Variants in SLC8A1 observed in about 807,000 individuals in gnomAD.
SLC8A1 encodes the protein solute carrier family 8 member A1.
Under a neutral mutation model 68.3 loss-of-function variants are expected in SLC8A1, and 18 were observed. The ratio of observed to expected loss-of-function variants is 0.26; its 90% CI spans 0.18 to 0.39. The LOEUF is 0.39. Among genes scored for constraint, SLC8A1 ranks in the 10% least tolerant of loss-of-function variants. SLC8A1 has a pLI of 1.00. For synonymous variants in SLC8A1, 475 were observed against 415.5 expected (o/e 1.14, Z -1.74); for missense variants, 985 against 1,156.7 (o/e 0.85, Z 2.15).
intron 2 of SLC8A1, among the ~76,000 whole-genome samples, chr2:40,199,686 C>G (rs762702520): frequency 3.3e-5 from 5 of 151,762 alleles, no homozygotes; most frequent in Non-Finnish European, 7.4e-5. Context: ...AAATTCCTCT[C>G]CTCATTTAGA....
chr2:40,485,503 T>G (rs1274350876), intron 1 of SLC8A1, among the ~76,000 whole-genome samples: 3 of 152,222 alleles, frequency 2.0e-5, no homozygotes, highest in Non-Finnish European at 2.9e-5. Flanking sequence ...GCCAGTTACT[T>G]TTAAACGTCT....
At chr2:40,171,391 T>C (rs1486660772) in intron 4 of SLC8A1, among the ~76,000 whole-genome samples, 1 of 152,214 alleles carries the variant, frequency 6.6e-6, no homozygotes, top group African/African-American at 2.4e-5. Context: ...GAGAACTCTA[T>C]ATCTTAGAAG....
intron 1 of SLC8A1, among the ~76,000 whole-genome samples, chr2:40,460,450 A>C (rs1703273976): frequency 1.3e-5 from 2 of 152,224 alleles, no homozygotes. Flanking sequence ...TTCCAGCTGC[A>C]AATAGGGAGT....
chr2:40,390,192 T>C (rs1684844153), intron 2 of SLC8A1, among the ~76,000 whole-genome samples: 2 of 152,114 alleles, frequency 1.3e-5, no homozygotes, highest in African/African-American at 2.4e-5. Flanking sequence ...TTAGAAGCTT[T>C]TAGAAGTGAC....
intron 2 of SLC8A1, among the ~76,000 whole-genome samples, chr2:40,379,288 C>T (rs1680941210): frequency 6.6e-6 from 1 of 152,124 alleles, no homozygotes; most frequent in South Asian, 2.1e-4. Context: ...CCATGGACCA[C>T]ACTTTGAAAA....
rs1035622270 is a variant in SLC8A1, at chr2:40,314,466, T to C, written c.1808+114007A>G. On this transcript the variant is annotated intron_variant, in intron 2 of 7. Coordinates refer to ENST00000406785, the Ensembl canonical transcript of SLC8A1. ...TTTTGTTCTTTTTTTCCAGTGGTATTTTAGCTATTTTAGGTCCTCTGTATT... is the reference window on the plus strand; with the variant it reads ...TTTTGTTCTTTTTTTCCAGTGGTATCTTAGCTATTTTAGGTCCTCTGTATT... Among the ~76,000 whole-genome samples the C allele has an allele frequency of 2.6e-5, 4 of 152,038 alleles. No individual in the cohort carries two copies. In the East Asian group the frequency reaches 5.8e-4, roughly 22 times the overall value.
chr2:40,348,663 G>A (rs1049576211), intron 2 of SLC8A1, among the ~76,000 whole-genome samples: 3 of 152,120 alleles, frequency 2.0e-5, no homozygotes, highest in Admixed American at 1.3e-4. Context: ...CAGAACCTCT[G>A]CACTCCGGGG....
intron 2 of SLC8A1, among the ~76,000 whole-genome samples, chr2:40,185,840 A>G (rs756591952): frequency 6.6e-6 from 1 of 152,208 alleles, no homozygotes; most frequent in Non-Finnish European, 1.5e-5. Context: ...TCCTTGGGTG[A>G]GAAAAGGTTG....
At chr2:40,373,344 ACT>A (rs1678772516) in intron 2 of SLC8A1, among the ~76,000 whole-genome samples, 1 of 152,082 alleles carries the variant, frequency 6.6e-6, no homozygotes, top group South Asian at 2.1e-4. Flanking sequence ...CAGAAACATG[ACT>A]CTTCAAAAAT....
chr2:40,136,546 G>A (rs899801939), intron 7 of SLC8A1, among the ~76,000 whole-genome samples: 1 of 152,132 alleles, frequency 6.6e-6, no homozygotes, highest in African/African-American at 2.4e-5. Flanking sequence ...TCAGACACTA[G>A]GAAAGAGCCC....
chr2:40,182,583 T>G (rs1404911222), intron 2 of SLC8A1, among the ~76,000 whole-genome samples: 1 of 152,218 alleles, frequency 6.6e-6, no homozygotes, highest in African/African-American at 2.4e-5. Context: ...GCCTTTTATT[T>G]GATGATACCA....
intron 3 of SLC8A1, among the ~76,000 whole-genome samples, chr2:40,176,983 T>A (rs899973334): frequency 4.6e-5 from 7 of 152,210 alleles, no homozygotes; most frequent in Admixed American, 3.9e-4. Flanking sequence ...ATGAAATATA[T>A]GCCATATATT....
At chr2:40,109,849 T>C (rs1166848830) in exon 8 of SLC8A1, 3 of 152,130 alleles carry the variant, frequency 2.0e-5, no homozygotes, top group Non-Finnish European at 2.9e-5. Context: ...TGATAACAGA[T>C]AGACAAGACA....
At chr2:40,271,010 T>G (rs2065956583) in intron 2 of SLC8A1, among the ~76,000 whole-genome samples, 1 of 152,174 alleles carries the variant, frequency 6.6e-6, no homozygotes, top group Non-Finnish European at 1.5e-5. Flanking sequence ...TACCCTAATC[T>G]TCCTCACTGG....
At chr2:40,302,074 T>TGTGTGTGTGTGTGTG (rs1491553759) in intron 2 of SLC8A1, among the ~76,000 whole-genome samples, 28 of 147,888 alleles carry the variant, frequency 1.9e-4, no homozygotes, top group East Asian at 4.0e-4. Flanking sequence ...TGTGTGTGTG[T>TGTGTGTGTGTGTGTG]TTAGTAGAGA....
intron 1 of SLC8A1, among the ~76,000 whole-genome samples, chr2:40,434,645 A>G (rs1367512160): frequency 6.6e-6 from 1 of 152,316 alleles, no homozygotes. Context: ...TGGTGGATTC[A>G]GATCAACTCG....
At chr2:40,164,142 T>C (rs1010487329) in intron 5 of SLC8A1, among the ~76,000 whole-genome samples, 1 of 135,332 alleles carries the variant, frequency 7.4e-6, no homozygotes. Flanking sequence ...TAGAACCATG[T>C]AGGGTAGAAG....
intron 1 of SLC8A1, among the ~76,000 whole-genome samples, chr2:40,492,463 G>C (rs563458083): frequency 7.2e-5 from 11 of 152,186 alleles, no homozygotes; most frequent in Admixed American, 4.6e-4. Flanking sequence ...AACACCAAAA[G>C]CAATGGCAAC....
intron 7 of SLC8A1, among the ~76,000 whole-genome samples, chr2:40,132,464 T>C (rs6739058): frequency 0.17 from 25,598 of 151,940 alleles, 2,234 homozygotes; most frequent in Admixed American, 0.21. Flanking sequence ...ACTCAGATTA[T>C]GGGGCCTCTT....
Sources: gnomAD v4.1 joint callset for allele counts (sites outside exome capture counted in the v4.1 genomes callset) on GRCh38, gnomAD v4.1.1 for gene constraint, MANE v1.5 for transcripts, NCBI Gene and HGNC (gene_info 2026-07-23, HGNC 2026-07-21) for gene names.